ANKRD27: variants seen among roughly 807,000 people sequenced by gnomAD.
ANKRD27 encodes the protein ankyrin repeat domain-containing protein 27.
In ANKRD27, 112 loss-of-function variants were observed where a neutral mutation model predicts 129.7. The observed-to-expected ratio is 0.86, with a 90% CI of 0.74 to 1.01. ANKRD27 has a LOEUF of 1.01. ANKRD27 is among the 50% of genes least tolerant of loss of function. The pLI, the probability that ANKRD27 is intolerant of heterozygous loss-of-function variation, is 0.00. For missense variants in ANKRD27, 1,258 were observed against 1,300.5 expected, an observed-to-expected ratio of 0.97 and a Z score of 0.50; for synonymous variants, 516 against 511.2, an observed-to-expected ratio of 1.01 and a Z score of -0.13.
Position 32,625,948 on chromosome 19 carries a change from T to C in ANKRD27, c.1555A>G (p.Lys519Glu). Residue 519 changes from lysine (K) to glutamate (E), a missense_variant, in exon 17 of 29, where the codon AAG becomes GAG. By Grantham distance (56) the Lys-to-Glu change is moderately conservative. Transcript: ENST00000306065. The part of the protein sequence containing the change: ...QSVTLLLLHY[K>E]ASAEVQDNNG... Reference sequence around the variant, plus strand: ...TTGTCCTGCACTTCCGCGCTGGCCTTGTAGTGCAGCAGCAGCAGCTGCGGA... The same window carrying C: ...TTGTCCTGCACTTCCGCGCTGGCCTCGTAGTGCAGCAGCAGCAGCTGCGGA... The C allele has an allele frequency of 6.2e-7, 1 of 1,610,062 alleles. No individual in the cohort carries two copies.
At chr19:32,618,053 C>T (rs66489063) in intron 20 of ANKRD27, among the ~76,000 whole-genome samples, 59,923 of 151,806 alleles carry the variant, frequency 0.39, 14,826 homozygotes, top group Non-Finnish European at 0.56. Context: ...CCACCACGCC[C>T]GGCTGATTTA....
At chr19:32,604,141 C>A in intron 25 of ANKRD27, 122 bp downstream of exon 25, 5 of 1,164,220 alleles carry the variant, frequency 4.3e-6, no homozygotes, top group East Asian at 5.2e-5. Flanking sequence ...ACACCAACTA[C>A]GCCCAGCCCG....
Position 32,643,133 on chromosome 19 carries a change from G to A in ANKRD27, c.772C>T (p.Pro258Ser), listed in dbSNP as rs775688627. The change falls in exon 9 of 29, where the codon CCG becomes TCG. Residue 258 changes from proline to serine, a missense_variant. By Grantham distance (74) the Pro-to-Ser change is moderately conservative (BLOSUM62 -1). Coordinates refer to ENST00000306065, the MANE Select transcript of ANKRD27 (RefSeq NM_032139.3). Reference sequence around the variant, plus strand: ...GGCGCAAACCCTTACCTGAACTCCGGTTTCACACCAATATCTTTCTGCTGA... The same window carrying A: ...GGCGCAAACCCTTACCTGAACTCCGATTTCACACCAATATCTTTCTGCTGA... ...DLQQKDIGVK[P>S]EFSFNIPRAK... is the part of the protein sequence containing the mutation. 1 of 1,613,744 alleles carries A rather than the reference G, an allele frequency of 6.2e-7. No individual in the cohort carries two copies. The highest frequency in any genetic ancestry group is 8.5e-7 in the Non-Finnish European group (1 of 1,179,974).
chr19:32,628,092 C>A lies in ANKRD27; in HGVS notation c.1411G>T (p.Ala471Ser). The A allele has an allele frequency of 6.2e-7, 1 of 1,614,128 alleles. No homozygotes were observed. Among genetic ancestry groups the A allele is most frequent in the South Asian group, 1.1e-5 (1 of 91,082 alleles). The change falls in exon 15 of 29, where the codon GCT becomes TCT. Residue 471 changes from alanine to serine, a missense_variant. Ala to Ser is a moderately conservative substitution (Grantham distance 99). Coordinates refer to ENST00000306065, the MANE Select transcript of ANKRD27 (RefSeq NM_032139.3). Reference sequence around the variant, plus strand: ...GCCCAGGACCACATACCACAGACAGCAGCCACATGGAGAGGGGTGTGCCCC... The same window carrying A: ...GCCCAGGACCACATACCACAGACAGAAGCCACATGGAGAGGGGTGTGCCCC... ...DRGHTPLHVA[A>S]VCGQASLIDL...
At chr19:32,602,842 T>C (rs568146364) in intron 25 of ANKRD27, among the ~76,000 whole-genome samples, 21 of 151,750 alleles carry the variant, frequency 1.4e-4, no homozygotes, top group Non-Finnish European at 2.1e-4. Flanking sequence ...TGAGCCAAGA[T>C]TGCACCATTA....
intron 1 of ANKRD27, among the ~76,000 whole-genome samples, chr19:32,660,288 T>C (rs527509294): frequency 2.6e-5 from 4 of 152,354 alleles, no homozygotes; most frequent in South Asian, 2.1e-4. Context: ...CTCATGCCTG[T>C]AATCCTCCCT....
intron 28 of ANKRD27, among the ~76,000 whole-genome samples, chr19:32,598,781 T>A (rs1031239344): frequency 1.3e-5 from 2 of 152,184 alleles, no homozygotes; most frequent in Admixed American, 1.3e-4. Context: ...CAACACCACA[T>A]AAGACTAAAT....
At chr19:32,600,384 A>G (rs1971634040) in intron 26 of ANKRD27, 1 of 195,742 alleles carries the variant, frequency 5.1e-6, no homozygotes, top group Non-Finnish European at 1.1e-5. Flanking sequence ...TACCCAAAAT[A>G]CAAAAACTTA....
At chr19:32,612,097 T>C (rs1395313835) in intron 22 of ANKRD27, among the ~76,000 whole-genome samples, 1 of 152,156 alleles carries the variant, frequency 6.6e-6, no homozygotes, top group African/African-American at 2.4e-5. Context: ...CATGAATGCA[T>C]GCTATGTATG....
intron 17 of ANKRD27, among the ~76,000 whole-genome samples, chr19:32,623,944 G>C (rs1343917391): frequency 6.6e-6 from 1 of 152,136 alleles, no homozygotes; most frequent in Non-Finnish European, 1.5e-5. Flanking sequence ...TCCTTCTGCT[G>C]TAACAAACCA....
At chr19:32,673,402 C>T (rs1181441533) in intron 1 of ANKRD27, 1 of 985,262 alleles carries the variant, frequency 1.0e-6, no homozygotes, top group African/African-American at 1.7e-5. Context: ...CCACCAGCAA[C>T]ACAACAAAGC....
At chr19:32,646,224 G>A (rs528955254) in intron 4 of ANKRD27, among the ~76,000 whole-genome samples, 4 of 151,804 alleles carry the variant, frequency 2.6e-5, no homozygotes, top group African/African-American at 7.2e-5. Context: ...GAGCCACTGC[G>A]CCCGGCTTGA....
intron 2 of ANKRD27, among the ~76,000 whole-genome samples, chr19:32,652,695 A>C (rs2145311410): frequency 6.6e-6 from 1 of 152,252 alleles, no homozygotes; most frequent in East Asian, 1.9e-4. Context: ...TGGGAGGCTG[A>C]GGCGGGTGGA....
At chr19:32,665,681 G>A (rs576797361) in intron 1 of ANKRD27, among the ~76,000 whole-genome samples, 6 of 152,070 alleles carry the variant, frequency 3.9e-5, no homozygotes, top group Non-Finnish European at 7.4e-5. Context: ...GGATGGTCTC[G>A]ATCTCCTGAC....
chr19:32,615,882 C>A, intron 21 of ANKRD27, 102 bp from the exon 22 acceptor site: 1 of 1,487,080 alleles, frequency 6.7e-7, no homozygotes, highest in Non-Finnish European at 9.0e-7. Flanking sequence ...AGGGCCCACG[C>A]TTCCTTCTCC....
chr19:32,643,699 G>C (rs757885465), intron 5 of ANKRD27, 68 bp from the exon 6 acceptor site: 109 of 1,525,538 alleles, frequency 7.1e-5, no homozygotes, highest in Non-Finnish European at 9.6e-5. Flanking sequence ...AGCCGGAGCG[G>C]GTAAGGCGCA....
Position 32,640,410 on chromosome 19 carries a change from A to G in ANKRD27, c.905-25T>C, listed in dbSNP as rs1279920643. On this transcript the variant is annotated intron_variant, in intron 10 of 28. Transcript: ENST00000306065. ...ACTGCAAAGGGGAAACACACATTCAATGCCATCATGAGATTCAAATGGACT... is the reference window on the plus strand; with the variant it reads ...ACTGCAAAGGGGAAACACACATTCAGTGCCATCATGAGATTCAAATGGACT... The G allele has an allele frequency of 3.7e-6, 6 of 1,602,282 alleles. No homozygotes were observed. In the African/African-American group the frequency reaches 4.0e-5, roughly 11 times the overall value.
chr19:32,628,186 GA>G (rs1399670432), intron 14 of ANKRD27, 21 bp from the exon 15 acceptor site: 2 of 1,605,132 alleles, frequency 1.2e-6, no homozygotes, highest in Non-Finnish European at 1.7e-6. Flanking sequence ...GAAAGAGATA[GA>G]AAACTACACA....
At chr19:32,673,413 G>A (rs1317419429) in intron 1 of ANKRD27, 2 of 985,136 alleles carry the variant, frequency 2.0e-6, no homozygotes, top group Admixed American at 6.2e-5. Context: ...ACAACAAAGC[G>A]ATCTTTCCAG....
Sources: allele counts gnomAD v4.1 joint callset (sites outside exome capture counted in the v4.1 genomes callset), GRCh38; gene constraint gnomAD v4.1.1; transcripts MANE v1.5; gene names NCBI Gene and HGNC (gene_info 2026-07-23, HGNC 2026-07-21).